PLPP1: variants seen among roughly 807,000 people sequenced by gnomAD.
PLPP1 encodes phospholipid phosphatase 1, also known as lipid phosphate phosphohydrolase 1a.
PLPP1 carries 24 observed loss-of-function variants against 31.2 expected under a neutral mutation model. The observed-to-expected ratio is 0.77, with a 90% CI of 0.56 to 1.08. The LOEUF (loss-of-function observed/expected upper bound fraction) is 1.08. Among genes scored for constraint, PLPP1 ranks in the 50% least tolerant of loss-of-function variants. The probability of loss-of-function intolerance (pLI) is 0.00; values close to 1 mark genes in which losing one functional copy is unlikely to be tolerated. For missense variants in PLPP1, 319 were observed against 342.7 expected (o/e 0.93, Z 0.55); for synonymous variants, 146 against 126.3 (o/e 1.16, Z -1.05).
intron 3 of PLPP1, among the ~76,000 whole-genome samples, chr5:55,453,127 A>G (rs1248241786): frequency 1.3e-5 from 2 of 152,230 alleles, no homozygotes; most frequent in African/African-American, 4.8e-5. Flanking sequence ...TTTAAATGTC[A>G]TAAACAATTT....
At chr5:55,495,471 T>C (rs942003382) in intron 1 of PLPP1, among the ~76,000 whole-genome samples, 1 of 152,064 alleles carries the variant, frequency 6.6e-6, no homozygotes, top group Non-Finnish European at 1.5e-5. Context: ...TAGGACAATG[T>C]TGTGATACAA....
intron 3 of PLPP1, among the ~76,000 whole-genome samples, chr5:55,443,718 A>AT (rs879627217): frequency 6.6e-6 from 1 of 152,178 alleles, no homozygotes; most frequent in Non-Finnish European, 1.5e-5. Flanking sequence ...GTTGGTTTCC[A>AT]TTTTTTACAC....
At chr5:55,472,394 A>C (rs1752434264) in intron 2 of PLPP1, among the ~76,000 whole-genome samples, 1 of 152,052 alleles carries the variant, frequency 6.6e-6, no homozygotes, top group South Asian at 2.1e-4. Flanking sequence ...CGAGGTAAGG[A>C]GCTCAAGACC....
At chr5:55,433,857 C>T (rs1244866419) in intron 4 of PLPP1, among the ~76,000 whole-genome samples, 1 of 151,982 alleles carries the variant, frequency 6.6e-6, no homozygotes, top group Non-Finnish European at 1.5e-5. Flanking sequence ...AGAGGTCAGG[C>T]CTGGCATTGT....
intron 3 of PLPP1, among the ~76,000 whole-genome samples, chr5:55,458,915 A>AAAAAAAAAAAAAC (rs1561231077): frequency 5.4e-5 from 8 of 149,062 alleles, no homozygotes; most frequent in African/African-American, 1.7e-4. Context: ...AAAAAAAAAA[A>AAAAAAAAAAAAAC]ACACATAGCA....
At chr5:55,434,107 C>T (rs1211139743) in intron 4 of PLPP1, among the ~76,000 whole-genome samples, 5 of 140,776 alleles carry the variant, frequency 3.6e-5, no homozygotes, top group African/African-American at 8.0e-5. Flanking sequence ...CCAGCCTGGG[C>T]GAGCGACTGA....
intron 4 of PLPP1, among the ~76,000 whole-genome samples, chr5:55,437,192 G>A (rs1160044185): frequency 6.6e-6 from 1 of 152,166 alleles, no homozygotes; most frequent in Non-Finnish European, 1.5e-5. Flanking sequence ...TGAAATTTCT[G>A]AAACATTTAA....
At chr5:55,457,506 C>T (rs1752043518) in intron 3 of PLPP1, among the ~76,000 whole-genome samples, 2 of 152,162 alleles carry the variant, frequency 1.3e-5, no homozygotes, top group East Asian at 1.9e-4. Context: ...ATGGCTTGTG[C>T]AAGAAACAAA....
Position 55,425,329 on chromosome 5 carries a change from T to A in PLPP1, c.732A>T (p.Val244=). 1 of 1,597,548 alleles carries A rather than the reference T, an allele frequency of 6.3e-7. No individual in the cohort carries two copies. The highest frequency in any genetic ancestry group is 1.1e-5 in the South Asian group (1 of 90,160). Residue 244 remains valine (V), a synonymous_variant, in exon 6 of 6, where the codon GTA becomes GTT. Transcript: ENST00000307259. ...TTTCTTTGAAGAAATCCGATACATA[T>A]ACAGCCTACAGTGCAAAATATTTAA... is the stretch of plus-strand genomic sequence containing the variant. ...QGALVAILVA[V]YVSDFFKERT...
At position 55,467,917 on chromosome 5, in the gene PLPP1, A is replaced by G; in HGVS notation, c.443T>C (p.Ile148Thr). ...WSKINCSDGY[I>T]EYYICRGNAE... Reference sequence around the variant, plus strand: ...ATTCCCTCGACATATGTAGTATTCAATGTAACCATCGCTGCAGTTGATTTT... The same window carrying G: ...ATTCCCTCGACATATGTAGTATTCAGTGTAACCATCGCTGCAGTTGATTTT... The change falls in exon 3 of 6, where the codon ATT becomes ACT. Residue 148 changes from isoleucine to threonine, a missense_variant. Ile to Thr is a moderately conservative substitution (Grantham distance 89, BLOSUM62 -1). Coordinates refer to ENST00000307259, the MANE Select transcript of PLPP1 (RefSeq NM_003711.4). The G allele has an allele frequency of 1.2e-6, 2 of 1,614,154 alleles. No individual in the cohort carries two copies. The highest frequency in any genetic ancestry group is 1.7e-6 in the Non-Finnish European group (2 of 1,180,008).
intron 4 of PLPP1, among the ~76,000 whole-genome samples, chr5:55,427,087 TA>T (rs3070034): frequency 0.058 from 8,701 of 150,014 alleles, 291 homozygotes; most frequent in East Asian, 0.14. Flanking sequence ...CTGCTCTCAT[TA>T]AAAAAAAAAA....
At chr5:55,444,604 A>T (rs1489295675) in intron 3 of PLPP1, among the ~76,000 whole-genome samples, 1 of 152,184 alleles carries the variant, frequency 6.6e-6, no homozygotes, top group Non-Finnish European at 1.5e-5. Context: ...CAGGAAGAAA[A>T]TTTACGGAGA....
intron 1 of PLPP1, among the ~76,000 whole-genome samples, chr5:55,485,620 G>A (rs1045620638): frequency 1.3e-5 from 2 of 151,400 alleles, no homozygotes; most frequent in Non-Finnish European, 2.9e-5. Context: ...ATTTCTAATG[G>A]GTTTTTAAAA....
intron 5 of PLPP1, 169 bp downstream of exon 5, chr5:55,425,694 C>A: frequency 1.8e-6 from 1 of 561,206 alleles, no homozygotes; most frequent in Admixed American, 3.8e-5. Context: ...GAAAGAGCAA[C>A]CTAGTTTTTA....
At chr5:55,445,330 A>G (rs1364689802) in intron 3 of PLPP1, among the ~76,000 whole-genome samples, 1 of 152,114 alleles carries the variant, frequency 6.6e-6, no homozygotes, top group Non-Finnish European at 1.5e-5. Context: ...ATCAAAAGCA[A>G]TCAACTCATA....
At chr5:55,529,273 A>ATG (rs1740575299) in intron 1 of PLPP1, among the ~76,000 whole-genome samples, 1 of 151,628 alleles carries the variant, frequency 6.6e-6, no homozygotes, top group Admixed American at 6.6e-5. Flanking sequence ...ACAAAAGTAT[A>ATG]TATATATACA....
Position 55,430,193 on chromosome 5 carries a change from G to A in PLPP1, c.550-4154C>T, listed in dbSNP as rs190504262. 4.1e-3 allele frequency among the ~76,000 whole-genome samples: 626 copies of A among 152,194 alleles called. 4 individuals are homozygous for A. The highest frequency in any genetic ancestry group is 0.014 in the African/African-American group (588 of 41,522). On this transcript the variant is annotated intron_variant, in intron 4 of 5. Coordinates refer to ENST00000307259, the MANE Select transcript of PLPP1 (RefSeq NM_003711.4). ...TCAGAGGGTTGTCCTGCCACTGCCC[G>A]CACCACACCTGCTGTCTATGGGCAG...
chr5:55,507,448 C>G (rs928499722), intron 1 of PLPP1, among the ~76,000 whole-genome samples: 1 of 152,012 alleles, frequency 6.6e-6, no homozygotes, highest in Non-Finnish European at 1.5e-5. Flanking sequence ...CAACAGCCAA[C>G]TAAGAAGAAA....
At chr5:55,515,565 T>G (rs1217651059) in intron 1 of PLPP1, among the ~76,000 whole-genome samples, 1 of 152,228 alleles carries the variant, frequency 6.6e-6, no homozygotes, top group Non-Finnish European at 1.5e-5. Context: ...AACTCACCAC[T>G]GAAATGGCTT....
Sources: allele counts gnomAD v4.1 joint callset (sites outside exome capture counted in the v4.1 genomes callset), GRCh38; gene constraint gnomAD v4.1.1; transcripts MANE v1.5; gene names NCBI Gene and HGNC (gene_info 2026-07-23, HGNC 2026-07-21).